SH3D21: variants seen among roughly 807,000 people sequenced by gnomAD.
The protein encoded by SH3D21 is SH3 domain-containing protein 21.
Under a neutral mutation model 82.1 loss-of-function variants are expected in SH3D21, and 83 were observed. That is an observed-to-expected ratio of 1.01 (90% confidence interval 0.85 to 1.21). The LOEUF is 1.21. Ranked by LOEUF, SH3D21 falls within the 50% of genes most tolerant of loss-of-function variation. The pLI, the probability that SH3D21 is intolerant of heterozygous loss-of-function variation, is 0.00. For missense variants in SH3D21, 980 were observed against 962.1 expected (o/e 1.02, Z -0.25); for synonymous variants, 383 against 387.8 (o/e 0.99, Z 0.15).
chr1:36,320,838 C>T (rs963587337), intron 14 of SH3D21, 40 bp downstream of exon 14: 128 of 1,550,010 alleles, frequency 8.3e-5, no homozygotes, highest in Admixed American at 2.4e-4. Flanking sequence ...GGTAGGGTTC[C>T]CCCTAGCCCT....
At chr1:36,312,921 C>T (rs1466821498) in intron 10 of SH3D21, among the ~76,000 whole-genome samples, 2 of 151,998 alleles carry the variant, frequency 1.3e-5, no homozygotes, top group Non-Finnish European at 2.9e-5. Context: ...ACCATGTTGG[C>T]CAGGCTGGTC....
chr1:36,311,368 G>A (rs946344699), intron 10 of SH3D21, among the ~76,000 whole-genome samples: 21 of 152,154 alleles, frequency 1.4e-4, no homozygotes, highest in Admixed American at 1.2e-3. Context: ...AGCCTCCCGA[G>A]TAGCTGGGAC....
In SH3D21 at chr1:36,307,159, G is replaced by A. The variant is rs940304992; in HGVS notation, c.227-8G>A. 5.2e-6 allele frequency: 8 copies of A among 1,551,378 alleles called. No homozygotes were observed. In the African/African-American group the frequency reaches 8.2e-5, roughly 16 times the overall value. ...GACTGGAGCTCAGCCGCGCTTGTCC[G>A]GTGCTAGGTCATCCTGCCAAACACC... On this transcript the variant is annotated splice_region_variant and splice_polypyrimidine_tract_variant and intron_variant, in intron 3 of 15. Coordinates refer to ENST00000453908, the MANE Select transcript of SH3D21 (RefSeq NM_001162530.2). This position sits in a 1 kb window ranked among gnomAD's most constrained non-coding sequence, Gnocchi z 5.4.
chr1:36,306,940 G>T lies in SH3D21; in HGVS notation c.226+35G>T. The T allele has an allele frequency of 7.5e-7, 1 of 1,337,744 alleles. No homozygotes were observed. Among genetic ancestry groups the T allele is most frequent in the Non-Finnish European group, 9.7e-7 (1 of 1,032,054 alleles). The allele number at this position is 1,337,744 out of a possible 1,614,324, so 82.9% of individuals were successfully genotyped here. On this transcript the variant is annotated intron_variant, in intron 3 of 15. Coordinates refer to ENST00000453908, the MANE Select transcript of SH3D21 (RefSeq NM_001162530.2). The surrounding 1 kb of genome is among the most constrained non-coding windows in gnomAD (Gnocchi z 4.5). Reference sequence around the variant, plus strand: ...AGGGCGGGGACGGGCGCCGGTGGGCGGGTGCACGGAGCCAGTGCGACCCCG... The same window carrying T: ...AGGGCGGGGACGGGCGCCGGTGGGCTGGTGCACGGAGCCAGTGCGACCCCG...
Position 36,306,462 on chromosome 1 carries a change from C to A in SH3D21, c.4+38C>A. Reference sequence around the variant, plus strand: ...GCTTTGAGGTGGCCTCTCTCTGCAACCGTGGACATAGCAAGAGCCCACACC... The same window carrying A: ...GCTTTGAGGTGGCCTCTCTCTGCAAACGTGGACATAGCAAGAGCCCACACC... On this transcript the variant is annotated intron_variant, in intron 1 of 15. Coordinates refer to ENST00000453908, the MANE Select transcript of SH3D21 (RefSeq NM_001162530.2). This position sits in a 1 kb window ranked among gnomAD's most constrained non-coding sequence, Gnocchi z 4.5. 3.1e-6 allele frequency: 4 copies of A among 1,305,382 alleles called. No homozygotes were observed. The highest frequency in any genetic ancestry group is 2.5e-5 in the South Asian group (2 of 81,024). The allele number at this position is 1,305,382 out of a possible 1,614,324, so 80.9% of individuals were successfully genotyped here.
In SH3D21 at chr1:36,320,097, G is replaced by T; in HGVS notation, c.1434G>T (p.Glu478Asp). ...PNPKMAPLGD[E>D]APTLEKVLTP... ...CAAAGATGGCCCCTCTGGGGGATGA[G>T]GCCCCCACTCTAGAAAAGGTCTTGA... The change falls in exon 14 of 16, where the codon GAG becomes GAT. Residue 478 changes from glutamate to aspartate, a missense_variant. Physicochemically the swap from Glu to Asp is conservative, Grantham distance 45. Transcript: ENST00000453908. 1 of 1,614,016 alleles carries T rather than the reference G, an allele frequency of 6.2e-7. No homozygotes were observed.
downstream of SH3D21, chr1:36,323,735 G>C (rs1354246678): frequency 1.3e-5 from 2 of 151,956 alleles, no homozygotes; most frequent in East Asian, 3.9e-4. Flanking sequence ...CGGGAGGAGG[G>C]AGAGCCCGGC....
In SH3D21 at chr1:36,320,566, C is replaced by T; in HGVS notation, c.1903C>T (p.Pro635Ser). The T allele has an allele frequency of 1.2e-6, 2 of 1,614,186 alleles. No homozygotes were observed. Among genetic ancestry groups the T allele is most frequent in the Non-Finnish European group, 1.7e-6 (2 of 1,180,016 alleles). ...GGAGGTGACCCTGAAAGAGGAATTG[C>T]CCCCTAAAGAGGAAGTGGCTCCAAA... ...KEEVTLKEEL[P>S]PKEEVAPKEE... Residue 635 changes from proline to serine, a missense_variant, in exon 14 of 16, where the codon CCC becomes TCC. Pro to Ser is a moderately conservative substitution (Grantham distance 74). Coordinates refer to ENST00000453908, the MANE Select transcript of SH3D21 (RefSeq NM_001162530.2).
intron 10 of SH3D21, among the ~76,000 whole-genome samples, chr1:36,313,402 A>C (rs1028333569): frequency 3.3e-5 from 5 of 152,104 alleles, no homozygotes; most frequent in Admixed American, 2.6e-4. Context: ...TTGTCTGTAA[A>C]TTCATCTTGC....
rs769107792 is a variant in SH3D21, at chr1:36,319,860, A to C, written c.1197A>C (p.Pro399=). 76 of 1,613,788 alleles carry C rather than the reference A, an allele frequency of 4.7e-5. No individual in the cohort carries two copies. The highest frequency in any genetic ancestry group is 6.3e-5 in the Non-Finnish European group (74 of 1,179,954). Residue 399 remains proline, a synonymous_variant, in exon 14 of 16, where the codon CCA becomes CCC. Transcript: ENST00000453908. Reference sequence around the variant, plus strand: ...CTCTAGGGGACAAGGCCTCTATCCCAGGGAACTCCACCTCGGGGAAGATCC... The same window carrying C: ...CTCTAGGGGACAAGGCCTCTATCCCCGGGAACTCCACCTCGGGGAAGATCC... The part of the protein sequence containing the change: ...TLTLGDKASI[P]GNSTSGKIPA...
rs1391474474 is a variant in SH3D21 at position 36,306,635 on chromosome 1, G to C, written c.42G>C (p.Glu14Asp). ...TGGCCGGATACCGCGCGCAGAAGGA[G>C]GACGAGCTGAGTCTGGCGCCCGGGG... ...LVLAGYRAQK[E>D]DELSLAPGDV... The change falls in exon 2 of 16, where the codon GAG (glutamate) becomes GAC (aspartate). Residue 14 changes from glutamate to aspartate, a missense_variant. Coordinates refer to ENST00000453908, the MANE Select transcript of SH3D21 (RefSeq NM_001162530.2). The surrounding 1 kb of genome is among the most constrained non-coding windows in gnomAD (Gnocchi z 4.5). 12 of 1,302,234 alleles carry C rather than the reference G, an allele frequency of 9.2e-6. No individual in the cohort carries two copies. Among genetic ancestry groups the C allele is most frequent in the Non-Finnish European group, 1.2e-5 (12 of 988,718 alleles). The allele number at this position is 1,302,234 out of a possible 1,614,324, so 80.7% of individuals were successfully genotyped here.
downstream of SH3D21, among the ~76,000 whole-genome samples, chr1:36,325,100 A>G (rs570836694): frequency 2.0e-5 from 3 of 152,212 alleles, no homozygotes; most frequent in Non-Finnish European, 2.9e-5. Context: ...CAGAGGTGCT[A>G]TCTCAGCTCA....
rs372324960 is a variant in SH3D21 at position 36,308,359 on chromosome 1, C to A, written c.640-30C>A. On this transcript the variant is annotated intron_variant, in intron 8 of 15. Transcript: ENST00000453908. ...GGAAAGGACCTTGGGGGACCTGGCT[C>A]ACCTCCCCACTGGCGTGTTTCTTTT... The A allele has an allele frequency of 2.1e-3, 3,283 of 1,547,482 alleles. 96 individuals carry two copies. The South Asian group carries it at 0.035, about 17-fold the overall frequency.
chr1:36,316,759 C>T (rs912699704), intron 10 of SH3D21, among the ~76,000 whole-genome samples: 17 of 136,070 alleles, frequency 1.2e-4, no homozygotes, highest in Non-Finnish European at 2.4e-4. Flanking sequence ...CTTCAGTTCT[C>T]TCTCTTTTTT....
chr1:36,320,276 CCCAGCCTCCTT>C lies in SH3D21; in HGVS notation c.1616_1626del (p.Gln539LeufsTer14), dbSNP rs1311394228. 6.2e-7 allele frequency: 1 copy of C among 1,612,748 alleles called. No individual in the cohort carries two copies. Among genetic ancestry groups the C allele is most frequent in the Non-Finnish European group, 8.5e-7 (1 of 1,179,808 alleles). On this transcript the variant is annotated frameshift_variant, in exon 14 of 16. Coordinates refer to ENST00000453908, the MANE Select transcript of SH3D21 (RefSeq NM_001162530.2). LOFTEE classifies it high-confidence loss of function. ...GCCCACACGCCAGAGGCACCCCCAC[CCCAGCCTCCTT>C]CCTCAGAGAGGTGCCTGGGAGAGAT...
downstream of SH3D21, chr1:36,328,105 G>C (rs1450411683): frequency 2.2e-6 from 1 of 457,678 alleles, no homozygotes; most frequent in South Asian, 1.5e-5. Flanking sequence ...CTATCTGCCT[G>C]TGAGACTAGA....
At chr1:36,314,705 C>G (rs527700253) in intron 10 of SH3D21, among the ~76,000 whole-genome samples, 1 of 151,940 alleles carries the variant, frequency 6.6e-6, no homozygotes, top group Non-Finnish European at 1.5e-5. Flanking sequence ...CCACCCACCT[C>G]GGCCTCCCAA....
In SH3D21 at chr1:36,306,797, GC is replaced by G. The variant is rs1017054146; in HGVS notation, c.163-39del. On this transcript the variant is annotated intron_variant, in intron 2 of 15. Coordinates refer to ENST00000453908, the MANE Select transcript of SH3D21 (RefSeq NM_001162530.2). This position sits in a 1 kb window ranked among gnomAD's most constrained non-coding sequence, Gnocchi z 4.5. Reference sequence around the variant, plus strand: ...GGCGGGCTGTGGGGTCTCAGCGCGCGCCCCCCGGGAGCTGAGAGCGCCTTCC... The same window carrying G: ...GGCGGGCTGTGGGGTCTCAGCGCGCGCCCCCGGGAGCTGAGAGCGCCTTCC... 1.1e-5 allele frequency: 14 copies of G among 1,291,402 alleles called. No individual in the cohort carries two copies. The highest frequency in any genetic ancestry group is 1.2e-4 in the East Asian group (2 of 17,330). The allele number at this position is 1,291,402 out of a possible 1,614,324, so 80.0% of individuals were successfully genotyped here.
intron 10 of SH3D21, among the ~76,000 whole-genome samples, chr1:36,311,818 C>T (rs1484777462): frequency 1.3e-5 from 2 of 151,856 alleles, no homozygotes; most frequent in African/African-American, 2.4e-5. Flanking sequence ...CTCAGCCTCT[C>T]TTGTAGCTGG....
Sources: gnomAD v4.1 joint callset for allele counts (sites outside exome capture counted in the v4.1 genomes callset) on GRCh38, gnomAD v4.1.1 for gene constraint, Gnocchi (gnomAD v3.1) non-coding constraint, MANE v1.5 for transcripts, NCBI Gene and HGNC (gene_info 2026-07-23, HGNC 2026-07-21) for gene names.